The following LDLRAP1 variants were observed in gnomAD, a reference collection of about 807,000 sequenced individuals.
LDLRAP1 encodes low density lipoprotein receptor adapter protein 1.
In LDLRAP1, 30 loss-of-function variants were observed where a neutral mutation model predicts 37.8. That is an observed-to-expected ratio of 0.79 (90% confidence interval 0.59 to 1.08). The LOEUF is 1.08. Among genes scored for constraint, LDLRAP1 ranks in the 50% least tolerant of loss-of-function variants. The pLI, the probability that LDLRAP1 is intolerant of heterozygous loss-of-function variation, is 0.00. For missense variants in LDLRAP1, 375 were observed against 401.6 expected, an observed-to-expected ratio of 0.93 and a Z score of 0.57; for synonymous variants, 156 against 169.8, an observed-to-expected ratio of 0.92 and a Z score of 0.63.
chr1:25,570,300 G>T (rs1473032692), downstream of LDLRAP1, among the ~76,000 whole-genome samples: 1 of 152,168 alleles, frequency 6.6e-6, no homozygotes, highest in African/African-American at 2.4e-5. Context: ...AATCCTGAGC[G>T]CCAGCCGTCT....
the LDLRAP1 span, chr1:25,581,430 G>A: frequency 6.6e-6 from 1 of 152,220 alleles, no homozygotes; most frequent in South Asian, 2.1e-4. Context: ...GCTGAATCCG[G>A]GGTGGTCTGT....
Position 25,544,181 on chromosome 1 carries a change from G to T in LDLRAP1, c.88+395G>T, listed in dbSNP as rs1023237812. 6.6e-6 allele frequency among the ~76,000 whole-genome samples: 1 copy of T among 152,138 alleles called. No homozygotes were observed. Among genetic ancestry groups the T allele is most frequent in the Non-Finnish European group, 1.5e-5 (1 of 67,998 alleles). ...TAGGGGAGGAGGAGAGGGCGCAGGG[G>T]CTTGGGAAGACGCCCCCGTCCCGCA... On this transcript the variant is annotated intron_variant, in intron 1 of 8. Transcript: ENST00000374338. This position sits in a 1 kb window ranked among gnomAD's most constrained non-coding sequence, Gnocchi z 4.8.
At chr1:25,577,545 C>T in the LDLRAP1 span, among the ~76,000 whole-genome samples, 1 of 152,146 alleles carries the variant, frequency 6.6e-6, no homozygotes, top group African/African-American at 2.4e-5. Context: ...AGATGAGCGT[C>T]GAGCCTGGTG....
chr1:25,572,056 G>A (rs1175052426), downstream of LDLRAP1, among the ~76,000 whole-genome samples: 1 of 152,222 alleles, frequency 6.6e-6, no homozygotes, highest in East Asian at 1.9e-4. Context: ...GGGAAGCCAG[G>A]TCAGGCTCTT....
rs781011515 is a variant in LDLRAP1 at position 25,566,862 on chromosome 1, G to T, written c.797G>T (p.Arg266Leu). 4 of 1,610,760 alleles carry T rather than the reference G, an allele frequency of 2.5e-6. No homozygotes were observed. The African/African-American group carries it at 5.3e-5, about 22-fold the overall frequency. The change falls in exon 9 of 9, where the codon CGG becomes CTG. Residue 266 changes from arginine to leucine, a missense_variant. By Grantham distance (102) the Arg-to-Leu change is moderately radical. Transcript: ENST00000374338. ...DEAFSRLAQS[R>L]TNPQVLDTGL... is the part of the protein sequence containing the mutation. ...CTGCCTTCCAGGCTTGCCCAGTCTC[G>T]GACAAACCCTCAGGTCCTGGACACT...
At chr1:25,590,235 C>G in the LDLRAP1 span, 1 of 152,286 alleles carries the variant, frequency 6.6e-6, no homozygotes, top group Non-Finnish European at 1.5e-5. Context: ...CTCGAAGAAT[C>G]CTCTGCACAC....
At chr1:25,586,618 AG>A in the LDLRAP1 span, among the ~76,000 whole-genome samples, 3 of 151,472 alleles carry the variant, frequency 2.0e-5, no homozygotes, top group Non-Finnish European at 4.4e-5. This position sits in a 1 kb window ranked among gnomAD's most constrained non-coding sequence, Gnocchi z 4.3. Context: ...TGGGTCAGGG[AG>A]GGGGCTGAGT....
chr1:25,588,722 C>A, the LDLRAP1 span, among the ~76,000 whole-genome samples: 2 of 152,102 alleles, frequency 1.3e-5, no homozygotes, highest in Non-Finnish European at 2.9e-5. Flanking sequence ...TTTTTTCTTT[C>A]TCTATACTTT....
At chr1:25,579,743 C>CT in the LDLRAP1 span, among the ~76,000 whole-genome samples, 3 of 152,166 alleles carry the variant, frequency 2.0e-5, no homozygotes, top group Non-Finnish European at 4.4e-5. Flanking sequence ...TTCAATGGCA[C>CT]TTTTTTCCCA....
the LDLRAP1 span, chr1:25,581,618 A>C: frequency 6.6e-6 from 1 of 152,406 alleles, no homozygotes; most frequent in African/African-American, 2.4e-5. Flanking sequence ...CAGTGTCAGC[A>C]AAGGCTGCGC....
intron 4 of LDLRAP1, among the ~76,000 whole-genome samples, chr1:25,562,438 C>A (rs2044364706): frequency 6.6e-6 from 1 of 152,234 alleles, no homozygotes; most frequent in South Asian, 2.1e-4. Context: ...AGGCTATGGC[C>A]TTATGACACC....
chr1:25,572,756 A>C (rs2044622241), downstream of LDLRAP1, among the ~76,000 whole-genome samples: 1 of 152,188 alleles, frequency 6.6e-6, no homozygotes, highest in South Asian at 2.1e-4. Context: ...ATGTGCTTGC[A>C]GGGAACTGGA....
At position 25,544,926 on chromosome 1, in the gene LDLRAP1, C is replaced by T. The variant is rs181406256; in HGVS notation, c.88+1140C>T. On this transcript the variant is annotated intron_variant, in intron 1 of 8. Coordinates refer to ENST00000374338, the MANE Select transcript of LDLRAP1 (RefSeq NM_015627.3). The surrounding 1 kb of genome is among the most constrained non-coding windows in gnomAD (Gnocchi z 4.8). ...AGCTCCCTGGTCCAAGGAGTGCCAG[C>T]GTGTCTGGGCCTAGAGGGCCCGCCT... 2.6e-5 allele frequency among the ~76,000 whole-genome samples: 4 copies of T among 152,240 alleles called. No homozygotes were observed. The highest frequency in any genetic ancestry group is 9.6e-5 in the African/African-American group (4 of 41,466).
chr1:25,548,673 G>A (rs972990150), intron 1 of LDLRAP1, among the ~76,000 whole-genome samples: 6 of 151,132 alleles, frequency 4.0e-5, no homozygotes, highest in African/African-American at 1.5e-4. Context: ...TATTGTCCCT[G>A]TTATTTATTT....
the LDLRAP1 span, among the ~76,000 whole-genome samples, chr1:25,577,011 G>A: frequency 1.3e-5 from 2 of 152,170 alleles, no homozygotes; most frequent in African/African-American, 2.4e-5. Context: ...AGCCTGGGGC[G>A]GCTCTCCATG....
At chr1:25,548,558 C>T (rs1269650401) in intron 1 of LDLRAP1, among the ~76,000 whole-genome samples, 1 of 152,000 alleles carries the variant, frequency 6.6e-6, no homozygotes, top group Non-Finnish European at 1.5e-5. Flanking sequence ...CCATGTTGGC[C>T]AGGCTGTTCT....
intron 1 of LDLRAP1, chr1:25,549,825 G>A (rs1167436248): frequency 6.6e-6 from 1 of 152,424 alleles, no homozygotes; most frequent in Non-Finnish European, 1.5e-5. Context: ...TCTGTGGGGA[G>A]GGTGTGGGCA....
At chr1:25,574,924 A>C in the LDLRAP1 span, among the ~76,000 whole-genome samples, 1 of 152,134 alleles carries the variant, frequency 6.6e-6, no homozygotes, top group Admixed American at 6.5e-5. Context: ...CTCACTTGAC[A>C]TTCCACAGCT....
chr1:25,559,961 C>G (rs1181838774), intron 4 of LDLRAP1, among the ~76,000 whole-genome samples: 1 of 152,068 alleles, frequency 6.6e-6, no homozygotes, highest in African/African-American at 2.4e-5. Flanking sequence ...GGTAGTAAAT[C>G]TCACTAACTT....
Sources: allele counts gnomAD v4.1 joint callset (sites outside exome capture counted in the v4.1 genomes callset), GRCh38; gene constraint gnomAD v4.1.1; non-coding constraint Gnocchi (gnomAD v3.1); transcripts MANE v1.5; gene names NCBI Gene and HGNC (gene_info 2026-07-23, HGNC 2026-07-21).